The following PLEKHG3 variants were observed in gnomAD, a reference collection of about 807,000 sequenced individuals.
PLEKHG3 encodes pleckstrin homology domain-containing family G member 3.
In PLEKHG3, 62 loss-of-function variants were observed where a neutral mutation model predicts 94.9. The observed-to-expected ratio is 0.65, with a 90% confidence interval of 0.53 to 0.81. PLEKHG3 has a LOEUF of 0.81. Among genes scored for constraint, PLEKHG3 ranks in the 30% least tolerant of loss-of-function variants. The pLI is 0.00. For synonymous variants in PLEKHG3, 614 were observed against 654.0 expected (o/e 0.94, Z 0.93); for missense variants, 1,461 against 1,619.3 (o/e 0.90, Z 1.68).
chr14:64,741,802 G>T lies in PLEKHG3; in HGVS notation c.2285G>T (p.Arg762Leu), dbSNP rs758582052. Residue 762 changes from arginine (R) to leucine (L), a missense_variant, in exon 16 of 17, where the codon CGG (arginine) becomes CTG (leucine). By Grantham distance (102) the Arg-to-Leu change is moderately radical. Coordinates refer to ENST00000247226, the MANE Select transcript of PLEKHG3 (RefSeq NM_001308147.2). ...ATCTCCAGGTTCAACAGCCTTCCCC[G>T]GCCAGACCCAGAGCCAGTACCTCCA... ...NSISRFNSLPRPDPEPVPPVG... is the reference protein window; with the variant it reads ...NSISRFNSLPLPDPEPVPPVG... 5 of 1,613,532 alleles carry T rather than the reference G, an allele frequency of 3.1e-6. No homozygotes were observed. In the South Asian group the frequency reaches 5.5e-5, roughly 18 times the overall value.
At position 64,715,795 on chromosome 14, in the gene PLEKHG3, C is replaced by A. The variant is rs1020246916; in HGVS notation, c.-40+11091C>A. 3 of 339,230 alleles carry A rather than the reference C, an allele frequency of 8.8e-6. No individual in the cohort carries two copies. Among genetic ancestry groups the A allele is most frequent in the Non-Finnish European group, 1.7e-5 (3 of 171,962 alleles). The allele number at this position is 339,230 out of a possible 1,614,324, so 21.0% of individuals were successfully genotyped here. A position where few individuals can be genotyped will look rare whatever the true frequency, so the allele number is the denominator to read the frequency against. On this transcript the variant is annotated intron_variant, in intron 1 of 16. Coordinates refer to ENST00000247226, the MANE Select transcript of PLEKHG3 (RefSeq NM_001308147.2). The surrounding 1 kb of genome is among the most constrained non-coding windows in gnomAD (Gnocchi z 4.4). ...GGCTGTGGCCTGGGTCCCTACCCAG[C>A]GGGGACCTGCAGAATTGTGTCGGGA... is the stretch of plus-strand genomic sequence containing the variant.
chr14:64,730,874 A>G lies in PLEKHG3; in HGVS notation c.642A>G (p.Leu214=), dbSNP rs2081445206. 1 of 1,613,138 alleles carries G rather than the reference A, an allele frequency of 6.2e-7. No individual in the cohort carries two copies. The highest frequency in any genetic ancestry group is 8.5e-7 in the Non-Finnish European group (1 of 1,179,952). The change falls in exon 6 of 17, where the codon CTA becomes CTG. Residue 214 remains leucine, a synonymous_variant. Transcript: ENST00000247226. The surrounding 1 kb of genome is among the most constrained non-coding windows in gnomAD (Gnocchi z 5.4). ...AKFFRDRQEL[L]QHSLPLGSYL... is the part of the protein sequence containing the mutation. ...TCTTTCGGGACCGGCAGGAGCTGCT[A>G]CAGCACTCGCTGCCCTTGGGCTCCT... is the stretch of plus-strand genomic sequence containing the variant.
At position 64,716,093 on chromosome 14, in the gene PLEKHG3, G is replaced by A. The variant is rs764507346; in HGVS notation, c.-40+11389G>A. 3.5e-5 allele frequency: 16 copies of A among 455,974 alleles called. No homozygotes were observed. Among genetic ancestry groups the A allele is most frequent in the Non-Finnish European group, 5.7e-5 (13 of 226,636 alleles). 28.2% of individuals were successfully genotyped at this position (455,974 alleles called of 1,614,324 possible). On this transcript the variant is annotated intron_variant, in intron 1 of 16. Coordinates refer to ENST00000247226, the MANE Select transcript of PLEKHG3 (RefSeq NM_001308147.2). This position sits in a 1 kb window ranked among gnomAD's most constrained non-coding sequence, Gnocchi z 5.0. ...GATGGGAGCTCTCCTGAGGAAAGCG[G>A]TAGGTACCCGGCTGGGGCCAGGCCA...
chr14:64,710,353 A>G (rs1025032013), intron 1 of PLEKHG3, among the ~76,000 whole-genome samples: 1 of 152,184 alleles, frequency 6.6e-6, no homozygotes, highest in African/African-American at 2.4e-5. Context: ...TGCTATGTTC[A>G]AGCTGGGAAG....
At position 64,738,025 on chromosome 14, in the gene PLEKHG3, C is replaced by T. The variant is rs1306448146; in HGVS notation, c.1404+650C>T. 1 of 1,285,906 alleles carries T rather than the reference C, an allele frequency of 7.8e-7. No individual in the cohort carries two copies. Among genetic ancestry groups the T allele is most frequent in the Non-Finnish European group, 1.0e-6 (1 of 987,824 alleles). 79.7% of individuals were successfully genotyped at this position (1,285,906 alleles called of 1,614,324 possible). ...GAGGAAGAGCAGGCCTTTCAGGTCT[C>T]TCTGGAGGACCTGACAGGGCATGAA... On this transcript the variant is annotated intron_variant, in intron 14 of 16. Coordinates refer to ENST00000247226, the MANE Select transcript of PLEKHG3 (RefSeq NM_001308147.2). This position sits in a 1 kb window ranked among gnomAD's most constrained non-coding sequence, Gnocchi z 4.8.
In PLEKHG3 at chr14:64,749,941, A is replaced by G; in HGVS notation, c.*6238A>G. 3.1e-6 allele frequency: 5 copies of G among 1,613,944 alleles called. No homozygotes were observed. The highest frequency in any genetic ancestry group is 4.2e-6 in the Non-Finnish European group (5 of 1,179,864). ...CTGCCCTGCCACTAATGCCAAATCA[A>G]GCCATCAACCCGAGCTTTCAAAGGC... is the stretch of plus-strand genomic sequence containing the variant. On this transcript the variant is annotated 3_prime_UTR_variant, in exon 17 of 17. Coordinates refer to ENST00000247226, the MANE Select transcript of PLEKHG3 (RefSeq NM_001308147.2). This position sits in a 1 kb window ranked among gnomAD's most constrained non-coding sequence, Gnocchi z 4.7.
Position 64,749,761 on chromosome 14 carries a change from G to T in PLEKHG3, c.*6058G>T. On this transcript the variant is annotated 3_prime_UTR_variant, in exon 17 of 17. Transcript: ENST00000247226. This position sits in a 1 kb window ranked among gnomAD's most constrained non-coding sequence, Gnocchi z 4.7. ...GGAGGGGGCGCTGGGCAGAGGGCTG[G>T]CTCTGATCCCACAATACCCTGAGCC... 2.5e-6 allele frequency: 4 copies of T among 1,585,310 alleles called. No homozygotes were observed. Among genetic ancestry groups the T allele is most frequent in the Non-Finnish European group, 3.4e-6 (4 of 1,162,156 alleles).
chr14:64,743,045 C>G lies in PLEKHG3; in HGVS notation c.3002C>G (p.Pro1001Arg). 1.2e-6 allele frequency: 2 copies of G among 1,613,396 alleles called. No individual in the cohort carries two copies. The highest frequency in any genetic ancestry group is 1.7e-6 in the Non-Finnish European group (2 of 1,179,920). The stretch of plus-strand genomic sequence containing the variant: ...CAGCTGATGGCCCAGGAGCACAGCC[C>G]TCCCAAGCCCTCCTCGGCTGGGGAG... The part of the protein sequence containing the change: ...YEQLMAQEHS[P>R]PKPSSAGEMS... The change falls in exon 17 of 17, where the codon CCT (proline) becomes CGT (arginine). Residue 1001 changes from proline to arginine, a missense_variant. By Grantham distance (103) the Pro-to-Arg change is moderately radical. This residue lies in a region of PLEKHG3 where 1,201 missense variants were observed against 1,295.5 expected (regional missense o/e 0.93). Coordinates refer to ENST00000247226, the MANE Select transcript of PLEKHG3 (RefSeq NM_001308147.2). This position sits in a 1 kb window ranked among gnomAD's most constrained non-coding sequence, Gnocchi z 7.2.
chr14:64,749,380 G>A lies in PLEKHG3; in HGVS notation c.*5677G>A. On this transcript the variant is annotated 3_prime_UTR_variant, in exon 17 of 17. Coordinates refer to ENST00000247226, the MANE Select transcript of PLEKHG3 (RefSeq NM_001308147.2). The surrounding 1 kb of genome is among the most constrained non-coding windows in gnomAD (Gnocchi z 4.7). ...CCGAGGCTGGCGTCGGGGCCGGAGA[G>A]GGAAGGCAGGGGCAGGCTCTGCGCC... The A allele has an allele frequency of 6.2e-7, 1 of 1,610,084 alleles. No homozygotes were observed. Among genetic ancestry groups the A allele is most frequent in the South Asian group, 1.1e-5 (1 of 91,022 alleles).
rs751208941 is a variant in PLEKHG3 at position 64,738,785 on chromosome 14, G to C, written c.1448G>C (p.Arg483Thr). 13 of 1,600,002 alleles carry C rather than the reference G, an allele frequency of 8.1e-6. No homozygotes were observed. The highest frequency in any genetic ancestry group is 1.1e-5 in the Non-Finnish European group (13 of 1,172,958). The change falls in exon 15 of 17, where the codon AGG becomes ACG. Residue 483 changes from arginine to threonine, a missense_variant. This residue lies in a region of PLEKHG3 where 1,201 missense variants were observed against 1,295.5 expected (regional missense o/e 0.93). Coordinates refer to ENST00000247226, the MANE Select transcript of PLEKHG3 (RefSeq NM_001308147.2). The surrounding 1 kb of genome is among the most constrained non-coding windows in gnomAD (Gnocchi z 4.8). ...TCTGAAAGCTCCAGGAGCAGCAGAAGGCCCAGTGGCCGGTCTCCAACCAGT... is the reference window on the plus strand; with the variant it reads ...TCTGAAAGCTCCAGGAGCAGCAGAACGCCCAGTGGCCGGTCTCCAACCAGT... ...RESESSRSSRRPSGRSPTSTE... is the reference protein window; with the variant it reads ...RESESSRSSRTPSGRSPTSTE...
rs1280444589 is a variant in PLEKHG3, at chr14:64,716,511, ACACAC to A, written c.-39-11081_-39-11077del. On this transcript the variant is annotated intron_variant, in intron 1 of 16. Coordinates refer to ENST00000247226, the MANE Select transcript of PLEKHG3 (RefSeq NM_001308147.2). The surrounding 1 kb of genome is among the most constrained non-coding windows in gnomAD (Gnocchi z 5.0). ...ACACACACACAACACACACACACACACACACACACACACACACACACACACACACA... is the reference window on the plus strand; with the variant it reads ...ACACACACACAACACACACACACACAACACACACACACACACACACACACA... Among the ~76,000 whole-genome samples the A allele has an allele frequency of 1.1e-4, 15 of 132,116 alleles. No individual in the cohort carries two copies. The highest frequency in any genetic ancestry group is 3.6e-4 in the African/African-American group (12 of 33,664). 86.7% of individuals were successfully genotyped at this position (132,116 alleles called of 152,430 possible).
At position 64,731,083 on chromosome 14, in the gene PLEKHG3, G is replaced by A. The variant is rs778306933; in HGVS notation, c.763G>A (p.Val255Met). ...TGAAGAAGAGGATGGCTTTGAGGTGGTGGAGGATGCCATTGACACCATGAC... is the reference window on the plus strand; with the variant it reads ...TGAAGAAGAGGATGGCTTTGAGGTGATGGAGGATGCCATTGACACCATGAC... ...FDEEEDGFEV[V>M]EDAIDTMTCV... Residue 255 changes from valine to methionine, a missense_variant, in exon 7 of 17, where the codon GTG becomes ATG. By Grantham distance (21) the Val-to-Met change is conservative. Around this residue, in one of 3 missense-constraint regions of PLEKHG3, gnomAD observed 1,201 missense variants for 1,295.5 expected, o/e 0.93. Transcript: ENST00000247226. This position sits in a 1 kb window ranked among gnomAD's most constrained non-coding sequence, Gnocchi z 6.1. 1.2e-6 allele frequency: 2 copies of A among 1,613,892 alleles called. No homozygotes were observed. The highest frequency in any genetic ancestry group is 2.2e-5 in the East Asian group (1 of 44,876).
In PLEKHG3 at chr14:64,721,940, A is replaced by G. The variant is rs1257626100; in HGVS notation, c.-39-5653A>G. Among the ~76,000 whole-genome samples, 7 of 152,214 alleles carry G rather than the reference A, an allele frequency of 4.6e-5. No individual in the cohort carries two copies. Among genetic ancestry groups the G allele is most frequent in the Non-Finnish European group, 1.5e-5 (1 of 68,026 alleles). ...ATTTCACCATCTTAGTTGAGATCTT[A>G]GTTGAGAGAGATCTCTCTCTGGAAG... On this transcript the variant is annotated intron_variant, in intron 1 of 16. Transcript: ENST00000247226. This position sits in a 1 kb window ranked among gnomAD's most constrained non-coding sequence, Gnocchi z 4.3.
Position 64,727,508 on chromosome 14 carries a change from C to G in PLEKHG3, c.-39-85C>G. 2.2e-6 allele frequency: 1 copy of G among 464,650 alleles called. No homozygotes were observed. Among genetic ancestry groups the G allele is most frequent in the Non-Finnish European group, 4.1e-6 (1 of 244,262 alleles). 28.8% of individuals were successfully genotyped at this position (464,650 alleles called of 1,614,324 possible). The stretch of plus-strand genomic sequence containing the variant: ...ACTAAATAATACCTTCCCACCCCAC[C>G]TGCCCCCACCCCTGGCAACCGTCCC... On this transcript the variant is annotated intron_variant, in intron 1 of 16. Transcript: ENST00000247226. The surrounding 1 kb of genome is among the most constrained non-coding windows in gnomAD (Gnocchi z 6.0).
chr14:64,722,624 T>A lies in PLEKHG3; in HGVS notation c.-39-4969T>A, dbSNP rs1165616884. Among the ~76,000 whole-genome samples, 1 of 152,182 alleles carries A rather than the reference T, an allele frequency of 6.6e-6. No homozygotes were observed. Among genetic ancestry groups the A allele is most frequent in the Non-Finnish European group, 1.5e-5 (1 of 68,030 alleles). On this transcript the variant is annotated intron_variant, in intron 1 of 16. Transcript: ENST00000247226. This position sits in a 1 kb window ranked among gnomAD's most constrained non-coding sequence, Gnocchi z 4.3. ...CCTCCTTGCTCGTTTTCTGCCTGGC[T>A]CCAAAGCAGCTGTGGTGCGGTGTGG...
At chr14:64,714,593 C>T (rs967744520) in intron 1 of PLEKHG3, among the ~76,000 whole-genome samples, 10 of 152,158 alleles carry the variant, frequency 6.6e-5, no homozygotes, top group African/African-American at 1.7e-4. Context: ...GTCCCTAGCA[C>T]GTGGCACATG....
intron 16 of PLEKHG3, among the ~76,000 whole-genome samples, chr14:64,742,761 C>A (rs1340783771): frequency 2.6e-5 from 4 of 152,226 alleles, no homozygotes; most frequent in South Asian, 2.1e-4. Context: ...AAGCTCTCCC[C>A]CTCTGCCTTT....
At chr14:64,740,280 A>AT (rs34063870) in intron 15 of PLEKHG3, among the ~76,000 whole-genome samples, 37,176 of 152,144 alleles carry the variant, frequency 0.24, 4,843 homozygotes, top group African/African-American at 0.31. Context: ...CGATCTTATA[A>AT]TTAGTGTTTG....
chr14:64,708,449 G>A (rs1257499499), intron 1 of PLEKHG3, among the ~76,000 whole-genome samples: 2 of 152,164 alleles, frequency 1.3e-5, no homozygotes, highest in African/African-American at 4.8e-5. Flanking sequence ...GGCAGATGGT[G>A]GGTGGAGCTG....
Sources: gnomAD v4.1 joint callset for allele counts (sites outside exome capture counted in the v4.1 genomes callset) on GRCh38, gnomAD v4.1.1 for gene constraint, gnomAD v4.1.1 regional missense constraint, Gnocchi (gnomAD v3.1) non-coding constraint, MANE v1.5 for transcripts, NCBI Gene and HGNC (gene_info 2026-07-23, HGNC 2026-07-21) for gene names.